Variants in NUB1 observed in about 807,000 individuals in gnomAD.
NUB1 encodes the protein negative regulator of ubiquitin like proteins 1.
A neutral mutation model predicts 77.1 loss-of-function variants in NUB1; 41 were observed. The ratio of observed to expected loss-of-function variants is 0.53; its 90% CI spans 0.41 to 0.69. The LOEUF is 0.69. Among genes scored for constraint, NUB1 ranks in the 30% least tolerant of loss-of-function variants. The probability of loss-of-function intolerance (pLI) is 0.00; values close to 1 mark genes in which losing one functional copy is unlikely to be tolerated. For synonymous variants in NUB1, 257 were observed against 281.0 expected (o/e 0.91, Z 0.85); for missense variants, 643 against 743.8 (o/e 0.86, Z 1.58).
Position 151,355,965 on chromosome 7 carries a change from G to A in NUB1, c.598+15G>A, listed in dbSNP as rs775186244. ...GGCAAAGAGAGGTACCCAGAGCTCT[G>A]GGCTTGTCACCCACTCAGCTGCTTG... is the stretch of plus-strand genomic sequence containing the variant. On this transcript the variant is annotated intron_variant, in intron 6 of 14. Coordinates refer to ENST00000568733, the MANE Select transcript of NUB1 (RefSeq NM_001243351.2). 4.3e-6 allele frequency: 7 copies of A among 1,612,246 alleles called. No homozygotes were observed. The Admixed American group carries it at 1.0e-4, about 23-fold the overall frequency.
chr7:151,360,195 A>G lies in NUB1; in HGVS notation c.748A>G (p.Lys250Glu). ...GAAGGGCAGAGCTTTCCTGAAAAGA[A>G]AAGAATATGGAATAGCCTTGCCATG... is the stretch of plus-strand genomic sequence containing the variant. Reference protein sequence around the residue: ...HEKGRAFLKRKEYGIALPCLL... With the variant: ...HEKGRAFLKREEYGIALPCLL... The change falls in exon 8 of 15, where the codon AAA becomes GAA. Residue 250 changes from lysine (K) to glutamate (E), a missense_variant. By Grantham distance (56) the Lys-to-Glu change is moderately conservative. Transcript: ENST00000568733. The G allele has an allele frequency of 6.2e-7, 1 of 1,611,600 alleles. No individual in the cohort carries two copies. The highest frequency in any genetic ancestry group is 8.5e-7 in the Non-Finnish European group (1 of 1,177,720).
At chr7:151,356,363 C>A in intron 7 of NUB1, 141 bp downstream of exon 7, 1 of 683,128 alleles carries the variant, frequency 1.5e-6, no homozygotes. Flanking sequence ...GAAAATGTCA[C>A]CACGTGGTGA....
chr7:151,374,031 C>A, intron 11 of NUB1, 66 bp from the exon 12 acceptor site: 1 of 1,479,208 alleles, frequency 6.8e-7, no homozygotes, highest in Non-Finnish European at 9.1e-7. Flanking sequence ...TCCTGCAGAG[C>A]GCAGACTGAG....
chr7:151,351,330 A>AT, intron 3 of NUB1, 94 bp from the exon 4 acceptor site: 3 of 931,488 alleles, frequency 3.2e-6, no homozygotes, highest in Non-Finnish European at 3.4e-6. Flanking sequence ...AACTCAGTTT[A>AT]TATCCTCTGC....
chr7:151,351,469 G>A lies in NUB1; in HGVS notation c.331G>A (p.Glu111Lys). Residue 111 changes from glutamate (E) to lysine (K), a missense_variant, in exon 4 of 15, where the codon GAA becomes AAA. Physicochemically the swap from Glu to Lys is moderately conservative, Grantham distance 56 (BLOSUM62 1). Transcript: ENST00000568733. Reference sequence around the variant, plus strand: ...GACCCGATTGCACATCACTGGCAGAGAACTGAGGTCCAAGTAAGTATCTGT... The same window carrying A: ...GACCCGATTGCACATCACTGGCAGAAAACTGAGGTCCAAGTAAGTATCTGT... ...LETRLHITGR[E>K]LRSKIAETFG... The A allele has an allele frequency of 6.2e-7, 1 of 1,612,960 alleles. No individual in the cohort carries two copies. The highest frequency in any genetic ancestry group is 8.5e-7 in the Non-Finnish European group (1 of 1,179,204).
chr7:151,341,838 G>A lies in NUB1; in HGVS notation c.-11G>A. 2 of 1,505,068 alleles carry A rather than the reference G, an allele frequency of 1.3e-6. No homozygotes were observed. The highest frequency in any genetic ancestry group is 1.8e-6 in the Non-Finnish European group (2 of 1,136,114). The allele number at this position is 1,505,068 out of a possible 1,614,324, so 93.2% of individuals were successfully genotyped here. ...CTCTGCTGGTCGCGGCGGGAGTGGC[G>A]TGGCGCAGGTGAGGACACGGCGGCC... On this transcript the variant is annotated 5_prime_UTR_variant, in exon 1 of 15. The change creates a new upstream start codon in the 5' untranslated region. Transcript: ENST00000568733.
rs1487975929 is a variant in NUB1, at chr7:151,375,859, C to T, written c.1407C>T (p.Ser469=). ...CCTGTGTGTTTTAGATTCTGCTCAG[C>T]AATCCTCAGATGTGGTGGTTAAATG... ...NLDEALKILL[S]NPQMWWLNDS... Residue 469 remains serine, a synonymous_variant, in exon 13 of 15, where the codon AGC becomes AGT. Transcript: ENST00000568733. 3.1e-6 allele frequency: 5 copies of T among 1,609,486 alleles called. No homozygotes were observed. The highest frequency in any genetic ancestry group is 4.3e-6 in the Non-Finnish European group (5 of 1,175,910).
chr7:151,348,041 T>C (rs913017290), intron 2 of NUB1, among the ~76,000 whole-genome samples: 1 of 152,254 alleles, frequency 6.6e-6, no homozygotes, highest in African/African-American at 2.4e-5. Flanking sequence ...TTATACCTAC[T>C]AGTTGGGCAT....
At chr7:151,354,621 A>T (rs1796973597) in intron 5 of NUB1, among the ~76,000 whole-genome samples, 1 of 152,012 alleles carries the variant, frequency 6.6e-6, no homozygotes, top group Non-Finnish European at 1.5e-5. Flanking sequence ...GTTTTCTTTC[A>T]TTCTGTTTCA....
intron 2 of NUB1, among the ~76,000 whole-genome samples, chr7:151,348,180 C>G (rs1796594991): frequency 6.6e-6 from 1 of 152,176 alleles, no homozygotes. Context: ...TGGGGAGGAA[C>G]CATAATGACT....
intron 7 of NUB1, among the ~76,000 whole-genome samples, chr7:151,356,731 T>C (rs1039268940): frequency 1.3e-5 from 2 of 152,246 alleles, no homozygotes; most frequent in Non-Finnish European, 2.9e-5. Context: ...GTTTTTTTGT[T>C]TTTGAGACGG....
At chr7:151,366,018 C>T (rs1404455114) in intron 8 of NUB1, among the ~76,000 whole-genome samples, 1 of 152,058 alleles carries the variant, frequency 6.6e-6, no homozygotes. Flanking sequence ...GAGAGAAAAC[C>T]TTGTTCATAT....
intron 3 of NUB1, among the ~76,000 whole-genome samples, chr7:151,349,678 A>G (rs952075417): frequency 6.6e-6 from 1 of 152,198 alleles, no homozygotes; most frequent in Admixed American, 6.5e-5. Context: ...TCTCATTGCC[A>G]TGGCCAGGTA....
chr7:151,344,048 G>A (rs1018088858), intron 1 of NUB1, among the ~76,000 whole-genome samples: 2 of 150,960 alleles, frequency 1.3e-5, no homozygotes, highest in East Asian at 4.0e-4. Context: ...GGGCGTGGTG[G>A]CGGGCGCCTG....
rs1479684825 is a variant in NUB1 at position 151,355,937 on chromosome 7, A to G, written c.585A>G (p.Ile195Met). 1 of 1,613,906 alleles carries G rather than the reference A, an allele frequency of 6.2e-7. No homozygotes were observed. The highest frequency in any genetic ancestry group is 8.5e-7 in the Non-Finnish European group (1 of 1,179,846). The change falls in exon 6 of 15, where the codon ATA (isoleucine) becomes ATG (methionine). Residue 195 changes from isoleucine (I) to methionine (M), a missense_variant. Ile to Met is a conservative substitution (Grantham distance 10). Transcript: ENST00000568733. Reference protein sequence around the residue: ...QIQRTKRGLEILAKRAAETVV... With the variant: ...QIQRTKRGLEMLAKRAAETVV... ...AGAGGACCAAGAGAGGACTAGAAAT[A>G]CTGGCAAAGAGAGGTACCCAGAGCT...
chr7:151,361,666 T>C (rs1797388015), intron 8 of NUB1, among the ~76,000 whole-genome samples: 1 of 152,206 alleles, frequency 6.6e-6, no homozygotes, highest in African/African-American at 2.4e-5. Context: ...TCCCAGAAGA[T>C]GAATGCAAAT....
chr7:151,366,702 G>T (rs751622861), intron 8 of NUB1, among the ~76,000 whole-genome samples: 2 of 152,050 alleles, frequency 1.3e-5, no homozygotes, highest in African/African-American at 2.4e-5. Flanking sequence ...GGCAAGTGGT[G>T]GTAAGCTTTG....
chr7:151,356,345 C>A, intron 7 of NUB1, 123 bp downstream of exon 7: 2 of 731,270 alleles, frequency 2.7e-6, no homozygotes, highest in Non-Finnish European at 4.8e-6. Flanking sequence ...TCTCCAGCCT[C>A]GTAAACAGAA....
chr7:151,356,679 G>T (rs1032749478), intron 7 of NUB1, among the ~76,000 whole-genome samples: 1 of 151,858 alleles, frequency 6.6e-6, no homozygotes, highest in Non-Finnish European at 1.5e-5. Flanking sequence ...GGGATAGGTA[G>T]GCGGAGGTTT....
Sources: gnomAD v4.1 joint callset for allele counts (sites outside exome capture counted in the v4.1 genomes callset) on GRCh38, gnomAD v4.1.1 for gene constraint, MANE v1.5 for transcripts, NCBI Gene and HGNC (gene_info 2026-07-23, HGNC 2026-07-21) for gene names.